The following RBFOX1 variants were observed in gnomAD, a reference collection of about 807,000 sequenced individuals.
RBFOX1 encodes RNA binding fox-1 homolog 1.
A neutral mutation model predicts 57.7 loss-of-function variants in RBFOX1; 8 were observed. The observed-to-expected ratio is 0.14, with a 90% confidence interval of 0.08 to 0.25. The LOEUF (loss-of-function observed/expected upper bound fraction) is 0.25. RBFOX1 is among the 10% of genes least tolerant of loss of function. The pLI is 1.00. For missense variants in RBFOX1, 611 were observed against 548.5 expected, an observed-to-expected ratio of 1.11 and a Z score of -1.14; for synonymous variants, 326 against 222.4, an observed-to-expected ratio of 1.47 and a Z score of -4.15.
intron 3 of RBFOX1, among the ~76,000 whole-genome samples, chr16:6,943,741 A>G (rs2078977053): frequency 1.3e-5 from 2 of 152,016 alleles, no homozygotes; most frequent in South Asian, 2.1e-4. Flanking sequence ...TTCGCCTGTA[A>G]CAATAGCTGA....
chr16:5,786,940 A>C (rs1265290903), intron 3 of RBFOX1, among the ~76,000 whole-genome samples: 1 of 152,182 alleles, frequency 6.6e-6, no homozygotes, highest in African/African-American at 2.4e-5. Flanking sequence ...GATCGAGACC[A>C]GCCTGGCCAA....
Position 6,225,888 on chromosome 16 carries a change from C to T in RBFOX1, c.-126-91107C>T, listed in dbSNP as rs74006960. 3.1e-3 allele frequency among the ~76,000 whole-genome samples: 466 copies of T among 152,272 alleles called. 1 individual carries two copies. The highest frequency in any genetic ancestry group is 0.01 in the African/African-American group (424 of 41,572). On this transcript the variant is annotated intron_variant, in intron 1 of 15. Coordinates refer to ENST00000550418, the MANE Select transcript of RBFOX1 (RefSeq NM_018723.4). ...AATGCAAAAGCCTTTGTAGACTTTACAGAAACACTGAAGCCGTGCTTTTTG... is the reference window on the plus strand; with the variant it reads ...AATGCAAAAGCCTTTGTAGACTTTATAGAAACACTGAAGCCGTGCTTTTTG...
intron 2 of RBFOX1, among the ~76,000 whole-genome samples, chr16:6,338,161 A>G (rs1345150143): frequency 6.6e-6 from 1 of 152,058 alleles, no homozygotes. Context: ...AGATACCTTC[A>G]TTTTCCATTA....
intron 3 of RBFOX1, among the ~76,000 whole-genome samples, chr16:7,016,647 T>C (rs78089112): frequency 2.0e-5 from 3 of 152,198 alleles, no homozygotes; most frequent in African/African-American, 4.8e-5. Flanking sequence ...TGATACACGA[T>C]GCAAAACCAG....
intron 2 of RBFOX1, among the ~76,000 whole-genome samples, chr16:6,592,177 C>G (rs761369342): frequency 6.6e-6 from 1 of 152,160 alleles, no homozygotes; most frequent in Admixed American, 6.5e-5. Context: ...CCTCCTTTAA[C>G]GTCTCTGCAA....
At position 7,050,671 on chromosome 16, in the gene RBFOX1, T is replaced by A. The variant is rs191049670; in HGVS notation, c.-15-1386T>A. 2.0e-5 allele frequency among the ~76,000 whole-genome samples: 3 copies of A among 152,328 alleles called. No individual in the cohort carries two copies. The East Asian group carries it at 5.8e-4, about 29-fold the overall frequency. On this transcript the variant is annotated intron_variant, in intron 3 of 15. Coordinates refer to ENST00000550418, the MANE Select transcript of RBFOX1 (RefSeq NM_018723.4). ...TTCTTTTCTTAACAACTAAATGGTG[T>A]CTTTTGAACATTTTTCATATCTCTA...
intron 4 of RBFOX1, among the ~76,000 whole-genome samples, chr16:7,378,622 C>CT (rs961553114): frequency 1.2e-4 from 18 of 152,086 alleles, no homozygotes; most frequent in African/African-American, 2.9e-4. Context: ...GTTTTTCTTC[C>CT]TTTTTTTTGA....
intron 3 of RBFOX1, among the ~76,000 whole-genome samples, chr16:6,987,046 G>T (rs760720985): frequency 1.3e-5 from 2 of 152,064 alleles, no homozygotes; most frequent in South Asian, 4.1e-4. Context: ...AAGGCCTTGT[G>T]GAGAGCCTGC....
chr16:5,835,940 G>A (rs539644496), intron 3 of RBFOX1, among the ~76,000 whole-genome samples: 4 of 152,148 alleles, frequency 2.6e-5, no homozygotes, highest in African/African-American at 2.4e-5. Flanking sequence ...GAGTCTTGGC[G>A]TCACAGGGAA....
At chr16:6,727,963 A>C (rs28565894) in intron 3 of RBFOX1, among the ~76,000 whole-genome samples, 6,599 of 152,220 alleles carry the variant, frequency 0.043, 375 homozygotes, top group East Asian at 0.3. Context: ...AGGGAAGAAA[A>C]TTATTTTGGT....
chr16:5,993,268 C>G (rs1422146468), intron 4 of RBFOX1, among the ~76,000 whole-genome samples: 1 of 151,794 alleles, frequency 6.6e-6, no homozygotes, highest in Non-Finnish European at 1.5e-5. Context: ...ATTTCTCTTT[C>G]TTTTTGTAGC....
chr16:5,701,377 T>C (rs768553843), intron 3 of RBFOX1, among the ~76,000 whole-genome samples: 1 of 152,190 alleles, frequency 6.6e-6, no homozygotes, highest in Non-Finnish European at 1.5e-5. Context: ...CTTGGGAGAA[T>C]ATATTGTGAT....
chr16:5,397,433 T>G (rs917451414), intron 1 of RBFOX1, among the ~76,000 whole-genome samples: 3 of 152,168 alleles, frequency 2.0e-5, no homozygotes, highest in African/African-American at 7.2e-5. Flanking sequence ...CCTGAAACCA[T>G]GAGACCATGC....
intron 3 of RBFOX1, among the ~76,000 whole-genome samples, chr16:5,855,188 CTGTT>C (rs1318737152): frequency 6.6e-6 from 1 of 152,046 alleles, no homozygotes; most frequent in African/African-American, 2.4e-5. Flanking sequence ...CTATTTTGTT[CTGTT>C]TGTTTCCTTT....
intron 3 of RBFOX1, among the ~76,000 whole-genome samples, chr16:5,631,471 C>T (rs1326824108): frequency 6.6e-6 from 1 of 151,806 alleles, no homozygotes; most frequent in Non-Finnish European, 1.5e-5. Flanking sequence ...GCAGGAGAAT[C>T]TCTTGAACCA....
intron 2 of RBFOX1, among the ~76,000 whole-genome samples, chr16:6,376,568 G>T (rs149501883): frequency 4.5e-4 from 68 of 152,136 alleles, no homozygotes; most frequent in African/African-American, 1.6e-3. Flanking sequence ...GTTTACATTG[G>T]TGTCTGTTCA....
chr16:6,856,203 T>G (rs2057869565), intron 3 of RBFOX1, among the ~76,000 whole-genome samples: 1 of 152,086 alleles, frequency 6.6e-6, no homozygotes, highest in African/African-American at 2.4e-5. Context: ...GAGAACCAGA[T>G]ACTGTGCCAG....
At chr16:7,567,249 CCCTATATATATATATCCCTA>C in intron 5 of RBFOX1, among the ~76,000 whole-genome samples, 2 of 44,358 alleles carry the variant, frequency 4.5e-5, no homozygotes, top group Non-Finnish European at 9.3e-5. Flanking sequence ...ATCCATATAT[CCCTATATATATATATCCCTA>C]TATATATATC....
intron 3 of RBFOX1, among the ~76,000 whole-genome samples, chr16:7,051,326 C>T (rs942106245): frequency 2.0e-5 from 3 of 152,172 alleles, no homozygotes; most frequent in Non-Finnish European, 2.9e-5. Flanking sequence ...CCCCTTAACC[C>T]ACCTATGTTT....
Sources: gnomAD v4.1 joint callset for allele counts (sites outside exome capture counted in the v4.1 genomes callset) on GRCh38, gnomAD v4.1.1 for gene constraint, MANE v1.5 for transcripts, NCBI Gene and HGNC (gene_info 2026-07-23, HGNC 2026-07-21) for gene names.